Variants in PCDH20 observed in about 807,000 individuals in gnomAD.
PCDH20 encodes protocadherin-20.
Under a neutral mutation model 39.7 loss-of-function variants are expected in PCDH20, and 18 were observed. The ratio of observed to expected loss-of-function variants is 0.45; its 90% CI spans 0.31 to 0.67. The LOEUF is 0.67. Ranked by LOEUF, PCDH20 falls within the 30% of genes least tolerant of loss-of-function variation. The pLI, the probability that PCDH20 is intolerant of heterozygous loss-of-function variation, is 0.05. For synonymous variants in PCDH20, 495 were observed against 455.4 expected (o/e 1.09, Z -1.11); for missense variants, 1,161 against 1,167.4 (o/e 0.99, Z 0.08).
At chr13:61,414,988 C>A in intron 1 of PCDH20, 39 bp downstream of exon 1, 1 of 1,380,478 alleles carries the variant, frequency 7.2e-7, no homozygotes, top group Non-Finnish European at 9.5e-7. Context: ...AATACTGCAA[C>A]TTGTCGGGGT....
At chr13:61,412,626 G>T (rs746979689) in exon 2 of PCDH20, 1 of 1,614,008 alleles carries the variant, frequency 6.2e-7, no homozygotes, top group South Asian at 1.1e-5. Flanking sequence ...TAGGTTTTGT[G>T]GTCTCTAGTA....
exon 2 of PCDH20, chr13:61,411,942 C>G (rs748226509): frequency 1.2e-6 from 2 of 1,614,054 alleles, no homozygotes; most frequent in South Asian, 1.1e-5. Flanking sequence ...AGAGGGCAGG[C>G]TCACCCCCAT....
At chr13:61,410,462 T>C (rs1318315969) in exon 2 of PCDH20, 1 of 152,246 alleles carries the variant, frequency 6.6e-6, no homozygotes, top group Non-Finnish European at 1.5e-5. Context: ...TTGGGCACAA[T>C]ATCTAGTTAC....
At chr13:61,413,942 C>A (rs757076823) in exon 2 of PCDH20, 4 of 1,609,050 alleles carry the variant, frequency 2.5e-6, no homozygotes, top group South Asian at 1.1e-5. Flanking sequence ...AAGGGTCCCA[C>A]GAAGAGGAAA....
At chr13:61,415,174 A>C (rs776613504) in exon 1 of PCDH20, 31 of 1,402,780 alleles carry the variant, frequency 2.2e-5, no homozygotes, top group African/African-American at 3.0e-5. Flanking sequence ...GGGAGGCTGC[A>C]GTCAGAGCGC....
exon 1 of PCDH20, chr13:61,415,304 G>A (rs1593786155): frequency 3.0e-6 from 3 of 1,002,832 alleles, no homozygotes; most frequent in Non-Finnish European, 4.0e-6. Flanking sequence ...TGGCAGAAAG[G>A]CAAGAGGGCA....
intron 1 of PCDH20, among the ~76,000 whole-genome samples, chr13:61,414,777 C>T (rs117458420): frequency 1.3e-5 from 2 of 152,102 alleles, no homozygotes; most frequent in African/African-American, 4.8e-5. Context: ...GCGGATTGAG[C>T]GCACCCCCGA....
At chr13:61,415,043 C>A in exon 1 of PCDH20, 1 of 1,519,290 alleles carries the variant, frequency 6.6e-7, no homozygotes, top group South Asian at 1.2e-5. Context: ...GTTCCTGTAG[C>A]TGGTGCTGCT....
At chr13:61,415,383 G>A (rs1469664395) in exon 1 of PCDH20, 25 of 451,404 alleles carry the variant, frequency 5.5e-5, no homozygotes, top group African/African-American at 3.0e-4. Context: ...GAGCTGGAAT[G>A]GGGGACTTGC....
chr13:61,411,439 A>C, exon 2 of PCDH20: 1 of 1,614,132 alleles, frequency 6.2e-7, no homozygotes, highest in Non-Finnish European at 8.5e-7. Context: ...TAAGGTGGGC[A>C]TACAAGACAC....
chr13:61,413,099 T>C (rs1419489753), exon 2 of PCDH20: 1 of 1,614,070 alleles, frequency 6.2e-7, no homozygotes, highest in Non-Finnish European at 8.5e-7. Flanking sequence ...GTGCCCACTG[T>C]AGCATTCCCA....
In PCDH20 at chr13:61,413,364, C is replaced by T. The variant is rs777826259; in HGVS notation, c.735G>A (p.Gln245=). Residue 245 remains glutamine (Q), a synonymous_variant, in exon 2 of 2, where the codon CAG becomes CAA. Transcript: ENST00000409204. ...CATGGTAGTCCAGTAAGCGATAGGTCTGTACCCCATTAATGCCTACATCTG... is the reference window on the plus strand; with the variant it reads ...CATGGTAGTCCAGTAAGCGATAGGTTTGTACCCCATTAATGCCTACATCTG... The T allele has an allele frequency of 3.7e-5, 60 of 1,613,936 alleles. No individual in the cohort carries two copies. In the South Asian group the frequency reaches 6.6e-4, roughly 18 times the overall value.
rs745931161 is a variant in PCDH20, at chr13:61,414,006, G to A, written c.133-40C>T. 5.9e-6 allele frequency: 9 copies of A among 1,516,822 alleles called. No individual in the cohort carries two copies. The South Asian group carries it at 8.5e-5, about 14-fold the overall frequency. 94.0% of individuals were successfully genotyped at this position (1,516,822 alleles called of 1,614,324 possible). A position where few individuals can be genotyped will look rare whatever the true frequency, so the allele number is the denominator to read the frequency against. On this transcript the variant is annotated intron_variant, in intron 1 of 1. Coordinates refer to ENST00000409204, the Ensembl canonical transcript of PCDH20. ...GGGAAGAAAGCTCATTACACACACGGGGAAATAGGGGTCCGAGAGAGAAAC... is the reference window on the plus strand; with the variant it reads ...GGGAAGAAAGCTCATTACACACACGAGGAAATAGGGGTCCGAGAGAGAAAC...
chr13:61,411,438 C>A (rs1425068998), exon 2 of PCDH20: 2 of 1,614,082 alleles, frequency 1.2e-6, no homozygotes, highest in Admixed American at 3.3e-5. Context: ...CTAAGGTGGG[C>A]ATACAAGACA....
exon 2 of PCDH20, chr13:61,413,016 C>T: frequency 6.2e-7 from 1 of 1,614,180 alleles, no homozygotes; most frequent in Non-Finnish European, 8.5e-7. Flanking sequence ...GTGGAACTTT[C>T]TGACTGTAAG....
exon 2 of PCDH20, chr13:61,413,083 A>G (rs1416983019): frequency 6.2e-7 from 1 of 1,614,150 alleles, no homozygotes; most frequent in Admixed American, 1.7e-5. Context: ...GACAGCTGCA[A>G]TTGGGGTGCC....
chr13:61,413,787 C>T (rs774632956), exon 2 of PCDH20: 2 of 1,613,464 alleles, frequency 1.2e-6, no homozygotes, highest in East Asian at 2.2e-5. Flanking sequence ...GCTCTGGCAG[C>T]TGCGACTGCG....
rs141691052 is a variant in PCDH20 at position 61,413,445 on chromosome 13, G to A, written c.654C>T (p.Val218=). The A allele has an allele frequency of 3.2e-4, 510 of 1,613,878 alleles. 1 individual carries two copies. Among genetic ancestry groups the A allele is most frequent in the Non-Finnish European group, 4.1e-4 (482 of 1,180,018 alleles). ...GGGTGTTTACAGGTGCATTTTCCGGGACCCACACCGAGATCTGGGAAACAG... is the reference window on the plus strand; with the variant it reads ...GGGTGTTTACAGGTGCATTTTCCGGAACCCACACCGAGATCTGGGAAACAG... The change falls in exon 2 of 2, where the codon GTC becomes GTT. Residue 218 remains valine (V), a synonymous_variant. Coordinates refer to ENST00000409204, the Ensembl canonical transcript of PCDH20.
chr13:61,415,491 G>T lies in PCDH20; in HGVS notation c.-333C>A, dbSNP rs141347826. On this transcript the variant is annotated 5_prime_UTR_variant, in exon 1 of 2. Transcript: ENST00000409204. ...CACCAGTCAGATGCCAAGTCCACAG[G>T]TTGCTAGCAAGAGAGGGAGAATTAA... 1.5e-3 allele frequency: 353 copies of T among 241,184 alleles called. 1 individual carries two copies. The highest frequency in any genetic ancestry group is 0.01 in the East Asian group (126 of 12,400). The allele number at this position is 241,184 out of a possible 1,614,324, so 14.9% of individuals were successfully genotyped here.
Sources: allele counts gnomAD v4.1 joint callset (sites outside exome capture counted in the v4.1 genomes callset), GRCh38; gene constraint gnomAD v4.1.1; transcripts MANE v1.5; gene names NCBI Gene and HGNC (gene_info 2026-07-23, HGNC 2026-07-21).